SEC31B: variants seen among roughly 807,000 people sequenced by gnomAD.
SEC31B encodes the protein SEC31 homolog B, COPII component.
In SEC31B, 113 loss-of-function variants were observed where a neutral mutation model predicts 135.0. The ratio of observed to expected loss-of-function variants is 0.84; its 90% CI spans 0.72 to 0.98. The LOEUF is 0.98. Ranked by LOEUF, SEC31B falls within the 50% of genes least tolerant of loss-of-function variation. The probability of loss-of-function intolerance (pLI) is 0.00; values close to 1 mark genes in which losing one functional copy is unlikely to be tolerated. For synonymous variants in SEC31B, 508 were observed against 549.4 expected, an observed-to-expected ratio of 0.92 and a Z score of 1.05; for missense variants, 1,296 against 1,421.1, an observed-to-expected ratio of 0.91 and a Z score of 1.42.
At chr10:100,510,779 A>G (rs894296049) in intron 3 of SEC31B, among the ~76,000 whole-genome samples, 3 of 152,248 alleles carry the variant, frequency 2.0e-5, no homozygotes, top group African/African-American at 7.2e-5. Context: ...TCTGAAGCAA[A>G]ACAGCAGAGC....
intron 3 of SEC31B, among the ~76,000 whole-genome samples, chr10:100,513,259 A>G (rs1851766424): frequency 6.6e-6 from 1 of 152,202 alleles, no homozygotes; most frequent in African/African-American, 2.4e-5. Flanking sequence ...TGGGAAAAGA[A>G]AGCAGAGATA....
Position 100,509,464 on chromosome 10 carries a change from C to T in SEC31B, c.251G>A (p.Ser84Asn). The T allele has an allele frequency of 1.2e-6, 2 of 1,614,048 alleles. No homozygotes were observed. The highest frequency in any genetic ancestry group is 1.7e-6 in the Non-Finnish European group (2 of 1,179,990). ...WGSFGSGLLE[S>N]SGVIVGGGDN... ...CCCGCCGCCAACAATAACCCCGGAG[C>T]TTTCCAGAAGCCCACTGCCAAAGCT... The change falls in exon 4 of 26, where the codon AGC (serine) becomes AAC (asparagine). Residue 84 changes from serine to asparagine, a missense_variant. Transcript: ENST00000370345.
chr10:100,519,394 C>T (rs1451524234), intron 1 of SEC31B, among the ~76,000 whole-genome samples: 1 of 152,274 alleles, frequency 6.6e-6, no homozygotes, highest in Non-Finnish European at 1.5e-5. Context: ...ACGGTCAGCA[C>T]AGCCTCTTTC....
chr10:100,506,420 C>T lies in SEC31B; in HGVS notation c.783G>A (p.Arg261=). The change falls in exon 8 of 26, where the codon AGG becomes AGA. Residue 261 remains arginine, a splice_region_variant and synonymous_variant. Transcript: ENST00000370345. The part of the protein sequence containing the change: ...SPLKVLESHS[R]GILSVSWSQA... ...GGCTCCATGACACTGACAAGATCCCCCTAAAAAGAGAAGGGAAGAGGAACT... is the reference window on the plus strand; with the variant it reads ...GGCTCCATGACACTGACAAGATCCCTCTAAAAAGAGAAGGGAAGAGGAACT... 3 of 1,614,046 alleles carry T rather than the reference C, an allele frequency of 1.9e-6. No homozygotes were observed. The highest frequency in any genetic ancestry group is 2.5e-6 in the Non-Finnish European group (3 of 1,179,982).
chr10:100,493,502 G>A (rs2133674916), intron 19 of SEC31B, among the ~76,000 whole-genome samples: 1 of 152,286 alleles, frequency 6.6e-6, no homozygotes, highest in East Asian at 1.9e-4. Flanking sequence ...AGGGAGAAAA[G>A]CCAATCTCAA....
At chr10:100,495,209 T>C (rs1374299305) in intron 19 of SEC31B, 176 bp downstream of exon 19, 1 of 662,272 alleles carries the variant, frequency 1.5e-6, no homozygotes, top group East Asian at 2.9e-5. Context: ...TGCACCTTTA[T>C]GTCCTAAGAG....
chr10:100,515,556 T>G (rs1851817268), intron 3 of SEC31B, among the ~76,000 whole-genome samples: 1 of 152,286 alleles, frequency 6.6e-6, no homozygotes, highest in Middle Eastern at 3.4e-3. Flanking sequence ...AATATGGTAC[T>G]TATCACTTAG....
Position 100,506,323 on chromosome 10 carries a change from C to T in SEC31B, c.880G>A (p.Glu294Lys). Residue 294 changes from glutamate to lysine, a missense_variant and splice_region_variant, in exon 8 of 26, where the codon GAG becomes AAG. Coordinates refer to ENST00000370345, the MANE Select transcript of SEC31B (RefSeq NM_015490.4). ...QILCRNLGSS[E>K]VVYKLPTQSS... ...TGCCCACAGAAGGGCCAGCCTACCT[C>T]ACTGCTCCCCAGGTTCCGGCACAAG... The T allele has an allele frequency of 3.1e-6, 5 of 1,614,178 alleles. No homozygotes were observed. Among genetic ancestry groups the T allele is most frequent in the Non-Finnish European group, 4.2e-6 (5 of 1,180,030 alleles).
At position 100,496,244 on chromosome 10, in the gene SEC31B, A is replaced by C. The variant is rs1386398825; in HGVS notation, c.2310+14T>G. On this transcript the variant is annotated intron_variant, in intron 18 of 25. Coordinates refer to ENST00000370345, the MANE Select transcript of SEC31B (RefSeq NM_015490.4). ...GAATGAAATGGTTTGCTCTCTCCAC[A>C]TGGCCCCACTTACCTGAGCACAGTC... 6.2e-7 allele frequency: 1 copy of C among 1,612,904 alleles called. No homozygotes were observed. Among genetic ancestry groups the C allele is most frequent in the South Asian group, 1.1e-5 (1 of 91,034 alleles).
In SEC31B at chr10:100,486,979, C is replaced by T. The variant is rs1278078774; in HGVS notation, c.*637G>A. ...AGCAAAAGGCAGTTCATCCCTTTCA[C>T]CTTCCATCCAACCTAGCCCACCCTT... is the stretch of plus-strand genomic sequence containing the variant. On this transcript the variant is annotated 3_prime_UTR_variant, in exon 26 of 26. Transcript: ENST00000370345. 2 of 152,816 alleles carry T rather than the reference C, an allele frequency of 1.3e-5. No individual in the cohort carries two copies. Among genetic ancestry groups the T allele is most frequent in the Non-Finnish European group, 2.9e-5 (2 of 68,540 alleles). The allele number at this position is 152,816 out of a possible 1,614,324, so 9.5% of individuals were successfully genotyped here.
rs1851210413 is a variant in SEC31B, at chr10:100,487,782, A to G, written c.3374T>C (p.Val1125Ala). 1 of 1,614,054 alleles carries G rather than the reference A, an allele frequency of 6.2e-7. No individual in the cohort carries two copies. Among genetic ancestry groups the G allele is most frequent in the Non-Finnish European group, 8.5e-7 (1 of 1,180,002 alleles). Reference protein sequence around the residue: ...KLCEGTLSPHVVAGLHEVARC... With the variant: ...KLCEGTLSPHAVAGLHEVARC... ...GGCAACCTCATGGAGCCCAGCCACG[A>G]CATGAGGTGAGAGCTGTGGAGGGAA... is the stretch of plus-strand genomic sequence containing the variant. The change falls in exon 26 of 26, where the codon GTC becomes GCC. Residue 1125 changes from valine to alanine, a missense_variant. Val to Ala is a moderately conservative substitution (Grantham distance 64, BLOSUM62 0). Transcript: ENST00000370345.
intron 19 of SEC31B, chr10:100,495,072 C>T (rs577441824): frequency 2.6e-5 from 9 of 343,598 alleles, no homozygotes; most frequent in Middle Eastern, 2.0e-3. Context: ...ATGATCTGCC[C>T]GCTTTGGCCT....
Position 100,499,066 on chromosome 10 carries a change from C to G in SEC31B, c.1584+94G>C. On this transcript the variant is annotated intron_variant, in intron 13 of 25. Coordinates refer to ENST00000370345, the MANE Select transcript of SEC31B (RefSeq NM_015490.4). The stretch of plus-strand genomic sequence containing the variant: ...GACTTCTACAGACGCTAAACACTTA[C>G]AGACAGCAAAGAAAAGGGCCAGGAA... 6.0e-6 allele frequency: 6 copies of G among 1,003,212 alleles called. No homozygotes were observed. The highest frequency in any genetic ancestry group is 5.4e-5 in the South Asian group (4 of 73,882). 62.1% of individuals were successfully genotyped at this position (1,003,212 alleles called of 1,614,324 possible).
rs1271693556 is a variant in SEC31B at position 100,490,233 on chromosome 10, G to A, written c.2740C>T (p.Pro914Ser). Reference sequence around the variant, plus strand: ...ATGCCTGGGCATGCCATGGGTAGAGGGGAACCAGGAAGAGGCCATGTCCCA... The same window carrying A: ...ATGCCTGGGCATGCCATGGGTAGAGAGGAACCAGGAAGAGGCCATGTCCCA... Reference protein sequence around the residue: ...FPGTWPLPGSPLPMACPGIMR... With the variant: ...FPGTWPLPGSSLPMACPGIMR... The change falls in exon 21 of 26, where the codon CCT becomes TCT. Residue 914 changes from proline (P) to serine (S), a missense_variant. By Grantham distance (74) the Pro-to-Ser change is moderately conservative. Transcript: ENST00000370345. The A allele has an allele frequency of 1.9e-6, 3 of 1,613,526 alleles. No homozygotes were observed. The highest frequency in any genetic ancestry group is 2.5e-6 in the Non-Finnish European group (3 of 1,179,744).
intron 3 of SEC31B, among the ~76,000 whole-genome samples, chr10:100,513,468 CTTCT>C (rs1196231398): frequency 5.9e-5 from 9 of 152,106 alleles, no homozygotes; most frequent in Admixed American, 5.9e-4. Context: ...GAAGTTTCTT[CTTCT>C]TTTTCTTTTT....
intron 5 of SEC31B, 110 bp from the exon 6 acceptor site, chr10:100,508,161 G>T: frequency 1.5e-6 from 2 of 1,326,686 alleles, no homozygotes; most frequent in East Asian, 4.7e-5. Context: ...AATAGACATG[G>T]GGCTACCCAA....
chr10:100,505,999 C>T (rs1851622643), intron 9 of SEC31B, 41 bp downstream of exon 9: 1 of 1,610,856 alleles, frequency 6.2e-7, no homozygotes, highest in Non-Finnish European at 8.5e-7. Context: ...CAAACAGAGA[C>T]AGCCCCTTCC....
chr10:100,505,785 C>A, intron 9 of SEC31B: 2 of 1,421,152 alleles, frequency 1.4e-6, no homozygotes, highest in Non-Finnish European at 9.2e-7. Context: ...ACTGTCCCAG[C>A]AAAGGGGTCC....
At chr10:100,508,615 C>G (rs557249823) in intron 5 of SEC31B, 16 of 424,428 alleles carry the variant, frequency 3.8e-5, no homozygotes, top group Middle Eastern at 3.4e-4. Context: ...TGACCCCCCC[C>G]TCCATAAAAA....
Sources: allele counts gnomAD v4.1 joint callset (sites outside exome capture counted in the v4.1 genomes callset), GRCh38; gene constraint gnomAD v4.1.1; transcripts MANE v1.5; gene names NCBI Gene and HGNC (gene_info 2026-07-23, HGNC 2026-07-21).